Variants in THSD4 observed in about 807,000 individuals in gnomAD.
THSD4 encodes the protein thrombospondin type-1 domain-containing protein 4.
Under a neutral mutation model 119.0 loss-of-function variants are expected in THSD4, and 69 were observed. The ratio of observed to expected loss-of-function variants is 0.58; its 90% confidence interval spans 0.48 to 0.71. THSD4 has a LOEUF of 0.71. Among genes scored for constraint, THSD4 ranks in the 30% least tolerant of loss-of-function variants. The pLI, the probability that THSD4 is intolerant of heterozygous loss-of-function variation, is 0.00. For synonymous variants in THSD4, 524 were observed against 540.4 expected, an observed-to-expected ratio of 0.97 and a Z score of 0.42; for missense variants, 1,393 against 1,391.1, an observed-to-expected ratio of 1.00 and a Z score of -0.02.
intron 1 of THSD4, among the ~76,000 whole-genome samples, chr15:71,109,283 C>A (rs1042231114): frequency 6.6e-6 from 1 of 152,164 alleles, no homozygotes; most frequent in Non-Finnish European, 1.5e-5. Context: ...TGTCTGTAAG[C>A]CATGATGTGG....
In THSD4 at chr15:71,243,110, A is replaced by T. The variant is rs1397894979; in HGVS notation, c.912+14A>T. ...TGCAACACCAACGTGAGTACACACA[A>T]CCCATACCGGGCCTGGAAACAGCTG... On this transcript the variant is annotated intron_variant, in intron 5 of 17. Coordinates refer to ENST00000261862, the MANE Select transcript of THSD4 (RefSeq NM_024817.3). 10 of 1,593,762 alleles carry T rather than the reference A, an allele frequency of 6.3e-6. No homozygotes were observed. Among genetic ancestry groups the T allele is most frequent in the Non-Finnish European group, 8.5e-6 (10 of 1,169,680 alleles).
At chr15:71,345,319 C>CAG (rs574828708) in intron 6 of THSD4, among the ~76,000 whole-genome samples, 309 of 152,018 alleles carry the variant, frequency 2.0e-3, no homozygotes, top group Non-Finnish European at 3.3e-3. Context: ...CATCCTGGGC[C>CAG]AGAGGGTATG....
At chr15:71,217,590 T>C (rs923603298) in intron 4 of THSD4, among the ~76,000 whole-genome samples, 1 of 148,002 alleles carries the variant, frequency 6.8e-6, no homozygotes, top group Non-Finnish European at 1.5e-5. Flanking sequence ...ACCACTGTAC[T>C]CCAGCCTGGG....
chr15:71,132,595 T>C (rs1204220144), intron 1 of THSD4, among the ~76,000 whole-genome samples: 2 of 152,246 alleles, frequency 1.3e-5, no homozygotes, highest in Admixed American at 1.3e-4. Flanking sequence ...CCTCTTTGTA[T>C]TTTTCTGTAG....
chr15:71,759,694 C>T (rs1595924652), intron 15 of THSD4, among the ~76,000 whole-genome samples: 4 of 152,274 alleles, frequency 2.6e-5, no homozygotes, highest in Admixed American at 2.0e-4. Flanking sequence ...CAGTCACACA[C>T]GTGAAGATAA....
At chr15:71,369,208 A>G (rs2046009324) in intron 6 of THSD4, among the ~76,000 whole-genome samples, 1 of 152,226 alleles carries the variant, frequency 6.6e-6, no homozygotes, top group African/African-American at 2.4e-5. Flanking sequence ...TTCTAAATAT[A>G]CAATCATGTC....
At chr15:71,222,807 G>A (rs1489387329) in intron 4 of THSD4, among the ~76,000 whole-genome samples, 1 of 152,150 alleles carries the variant, frequency 6.6e-6, no homozygotes, top group Non-Finnish European at 1.5e-5. Flanking sequence ...TTGAAATACA[G>A]TGCTTTATTA....
intron 6 of THSD4, among the ~76,000 whole-genome samples, chr15:71,329,416 T>G: frequency 6.6e-6 from 1 of 152,194 alleles, no homozygotes; most frequent in East Asian, 1.9e-4. Flanking sequence ...GACCTTTGAG[T>G]GACCCACACT....
chr15:71,226,256 C>T (rs2044017346), intron 4 of THSD4, among the ~76,000 whole-genome samples: 2 of 152,182 alleles, frequency 1.3e-5, no homozygotes, highest in Non-Finnish European at 2.9e-5. Flanking sequence ...TCAAAAACAA[C>T]ATGGCTTGAT....
chr15:71,333,760 C>T (rs967913470), intron 6 of THSD4, among the ~76,000 whole-genome samples: 4 of 151,026 alleles, frequency 2.6e-5, no homozygotes, highest in African/African-American at 9.9e-5. Context: ...GCGTCTGCAT[C>T]AAACACCCAA....
chr15:71,356,761 T>C (rs1397824201), intron 6 of THSD4, among the ~76,000 whole-genome samples: 1 of 152,042 alleles, frequency 6.6e-6, no homozygotes, highest in Non-Finnish European at 1.5e-5. Context: ...AGCCCTGCCT[T>C]AGGTCAGATG....
chr15:71,545,595 A>G (rs2048825717), intron 7 of THSD4, among the ~76,000 whole-genome samples: 1 of 152,232 alleles, frequency 6.6e-6, no homozygotes, highest in South Asian at 2.1e-4. Flanking sequence ...TCTTTCAAGA[A>G]CTTTGGCTTT....
chr15:71,639,311 G>T (rs7164652), intron 7 of THSD4, among the ~76,000 whole-genome samples: 74,272 of 151,968 alleles, frequency 0.49, 20,724 homozygotes, highest in Non-Finnish European at 0.63. Flanking sequence ...ATGGGGGCTG[G>T]ATTTCCAGAA....
chr15:71,368,921 G>A (rs1307020978), intron 6 of THSD4, among the ~76,000 whole-genome samples: 1 of 152,162 alleles, frequency 6.6e-6, no homozygotes, highest in Non-Finnish European at 1.5e-5. Flanking sequence ...CCAGGAGCAT[G>A]GAATGTTCTT....
intron 3 of THSD4, among the ~76,000 whole-genome samples, chr15:71,203,249 A>G (rs1478164022): frequency 6.6e-6 from 1 of 152,150 alleles, no homozygotes; most frequent in Admixed American, 6.6e-5. Context: ...AGATGGTGAC[A>G]GGTTTGGGAT....
chr15:71,312,468 C>A lies in THSD4; in HGVS notation c.1015+55753C>A, dbSNP rs147313482. On this transcript the variant is annotated intron_variant, in intron 6 of 17. Transcript: ENST00000261862. ...TACAGAGACACCAGGGCTGCATATG[C>A]ACATCTGTGAGCTGAGGAGAGAGGC... is the stretch of plus-strand genomic sequence containing the variant. 8.6e-4 allele frequency among the ~76,000 whole-genome samples: 131 copies of A among 152,256 alleles called. 2 individuals are homozygous for A. Among genetic ancestry groups the A allele is most frequent in the African/African-American group, 2.8e-3 (117 of 41,544 alleles).
chr15:71,376,559 C>T (rs2046139163), intron 6 of THSD4, among the ~76,000 whole-genome samples: 1 of 152,194 alleles, frequency 6.6e-6, no homozygotes. Context: ...CTGGGACACA[C>T]ATAATTCTGA....
At chr15:71,371,224 CTT>C (rs1253673463) in intron 6 of THSD4, among the ~76,000 whole-genome samples, 2 of 152,170 alleles carry the variant, frequency 1.3e-5, no homozygotes, top group African/African-American at 4.8e-5. Flanking sequence ...GGTCTTGACT[CTT>C]TATCCAGTTT....
chr15:71,259,729 A>T (rs545587658), intron 6 of THSD4, among the ~76,000 whole-genome samples: 1 of 152,254 alleles, frequency 6.6e-6, no homozygotes, highest in African/African-American at 2.4e-5. Context: ...ATCCCAGGTG[A>T]TTCTTATGGG....
Sources: gnomAD v4.1 joint callset for allele counts (sites outside exome capture counted in the v4.1 genomes callset) on GRCh38, gnomAD v4.1.1 for gene constraint, MANE v1.5 for transcripts, NCBI Gene and HGNC (gene_info 2026-07-23, HGNC 2026-07-21) for gene names.